The following CMTM4 variants were observed in gnomAD, a reference collection of about 807,000 sequenced individuals.
The protein encoded by CMTM4 is CKLF like MARVEL transmembrane domain containing 4.
In CMTM4, 8 loss-of-function variants were observed where a neutral mutation model predicts 19.0. The ratio of observed to expected loss-of-function variants is 0.42; its 90% confidence interval spans 0.25 to 0.76. CMTM4 has a LOEUF of 0.76. Ranked by LOEUF, CMTM4 falls within the 30% of genes least tolerant of loss-of-function variation. CMTM4 has a pLI of 0.27. For synonymous variants in CMTM4, 106 were observed against 121.1 expected (o/e 0.88, Z 0.82); for missense variants, 228 against 290.2 (o/e 0.79, Z 1.56).
intron 1 of CMTM4, among the ~76,000 whole-genome samples, chr16:66,683,040 AAAGT>A (rs573208639): frequency 9.5e-4 from 143 of 150,708 alleles, no homozygotes; most frequent in African/African-American, 3.3e-3. Flanking sequence ...AAAAAAAGAA[AAAGT>A]AATTACGATG....
At chr16:66,673,144 A>G (rs1409311161) in intron 1 of CMTM4, among the ~76,000 whole-genome samples, 1 of 112,314 alleles carries the variant, frequency 8.9e-6, no homozygotes, top group Non-Finnish European at 1.8e-5. Context: ...AGGCTGGTCT[A>G]AAGTGATCCT....
At chr16:66,626,686 C>T (rs985810499) in intron 2 of CMTM4, among the ~76,000 whole-genome samples, 5 of 150,980 alleles carry the variant, frequency 3.3e-5, no homozygotes, top group Non-Finnish European at 7.4e-5. Flanking sequence ...AGAAGAACTG[C>T]GTGAATCCAG....
At position 66,645,038 on chromosome 16, in the gene CMTM4, C is replaced by T. The variant is rs965546591; in HGVS notation, c.187-8457G>A. Among the ~76,000 whole-genome samples, 9 of 152,206 alleles carry T rather than the reference C, an allele frequency of 5.9e-5. No homozygotes were observed. In the East Asian group the frequency reaches 1.7e-3, roughly 29 times the overall value. ...GTGGCTCATGCCTGTAATCCCAGCA[C>T]TTTGGGAGGCCAAGGTAGGCGGATC... On this transcript the variant is annotated intron_variant, in intron 1 of 3. Coordinates refer to ENST00000394106, the MANE Select transcript of CMTM4 (RefSeq NM_181521.3).
rs1491447885 is a variant in CMTM4, at chr16:66,683,161, G to GTATATATATATATACATA, written c.186+13161_186+13178dup. ...TATATATATATGTATATATATATAC[G>GTATATATATATATACATA]TATATATATATATACATATGTATAT... is the stretch of plus-strand genomic sequence containing the variant. On this transcript the variant is annotated intron_variant, in intron 1 of 3. Transcript: ENST00000394106. 4.7e-4 allele frequency among the ~76,000 whole-genome samples: 38 copies of GTATATATATATATACATA among 81,522 alleles called. 2 individuals are homozygous for GTATATATATATATACATA. The East Asian group carries it at 0.011, about 23-fold the overall frequency. The allele number at this position is 81,522 out of a possible 152,430, so 53.5% of individuals were successfully genotyped here.
intron 1 of CMTM4, among the ~76,000 whole-genome samples, chr16:66,693,097 G>A (rs777650689): frequency 1.3e-5 from 2 of 151,912 alleles, no homozygotes; most frequent in African/African-American, 2.4e-5. Flanking sequence ...GGTGGCAGGC[G>A]CCAGTAATCC....
At chr16:66,605,143 C>G in the CMTM4 span, 1 of 498,060 alleles carries the variant, frequency 2.0e-6, no homozygotes. This position sits in a 1 kb window ranked among gnomAD's most constrained non-coding sequence, Gnocchi z 4.6. Context: ...GACGGCGGGG[C>G]GGGGCCCGAG....
the CMTM4 span, among the ~76,000 whole-genome samples, chr16:66,598,913 T>G: frequency 6.6e-6 from 1 of 151,880 alleles, no homozygotes; most frequent in Non-Finnish European, 1.5e-5. Flanking sequence ...GGCTGAAGGA[T>G]CCTTTAAACC....
At chr16:66,662,584 G>A (rs2016517810) in intron 1 of CMTM4, among the ~76,000 whole-genome samples, 2 of 152,090 alleles carry the variant, frequency 1.3e-5, no homozygotes, top group African/African-American at 4.8e-5. Context: ...AGCAGCAGGA[G>A]GCTACAGATG....
chr16:66,684,959 T>C (rs1255680413), intron 1 of CMTM4, among the ~76,000 whole-genome samples: 1 of 152,100 alleles, frequency 6.6e-6, no homozygotes, highest in Non-Finnish European at 1.5e-5. Flanking sequence ...TGAACCCAAA[T>C]CCCATCTCAT....
intron 1 of CMTM4, among the ~76,000 whole-genome samples, chr16:66,678,746 CCTA>C (rs762085939): frequency 6.6e-6 from 1 of 152,144 alleles, no homozygotes; most frequent in Non-Finnish European, 1.5e-5. Flanking sequence ...GTTGTAATGT[CCTA>C]CTGTTTCCCT....
intron 1 of CMTM4, among the ~76,000 whole-genome samples, chr16:66,678,595 C>T (rs559393519): frequency 4.6e-5 from 7 of 152,216 alleles, no homozygotes; most frequent in Middle Eastern, 3.4e-3. Context: ...TGCAAATGAT[C>T]CTCATCTATA....
At chr16:66,614,242 T>C (rs918311638), downstream of CMTM4, among the ~76,000 whole-genome samples, 1 of 152,094 alleles carries the variant, frequency 6.6e-6, no homozygotes, top group Non-Finnish European at 1.5e-5. This position sits in a 1 kb window ranked among gnomAD's most constrained non-coding sequence, Gnocchi z 4.9. Context: ...TGCCCAGGGG[T>C]TGGGGACCCC....
intron 1 of CMTM4, among the ~76,000 whole-genome samples, chr16:66,653,908 T>C (rs1172622608): frequency 6.6e-6 from 1 of 152,080 alleles, no homozygotes; most frequent in African/African-American, 2.4e-5. Flanking sequence ...CTAATTTTTA[T>C]GTGTTTTTTT....
the CMTM4 span, among the ~76,000 whole-genome samples, chr16:66,601,813 A>G: frequency 1.3e-5 from 2 of 152,200 alleles, no homozygotes; most frequent in Non-Finnish European, 2.9e-5. Context: ...CCCTAAGAGT[A>G]CAGGGATGCC....
At chr16:66,631,181 G>A (rs2015856798) in intron 2 of CMTM4, among the ~76,000 whole-genome samples, 2 of 147,028 alleles carry the variant, frequency 1.4e-5, no homozygotes, top group African/African-American at 2.5e-5. Flanking sequence ...GTCAGCCCCC[G>A]CCCGGCCAGC....
intron 1 of CMTM4, among the ~76,000 whole-genome samples, chr16:66,638,413 T>C (rs1329606884): frequency 6.6e-6 from 1 of 152,224 alleles, no homozygotes; most frequent in East Asian, 1.9e-4. Flanking sequence ...TTCCTAACAA[T>C]ATGTGGTCTT....
chr16:66,672,493 T>C (rs1469878219), intron 1 of CMTM4, among the ~76,000 whole-genome samples: 1 of 150,008 alleles, frequency 6.7e-6, no homozygotes, highest in Non-Finnish European at 1.5e-5. Context: ...AATATGTATA[T>C]ATTATTATAT....
chr16:66,681,081 T>C (rs1213787927), intron 1 of CMTM4, among the ~76,000 whole-genome samples: 2 of 152,112 alleles, frequency 1.3e-5, no homozygotes, highest in Non-Finnish European at 2.9e-5. Context: ...TAGTATATTT[T>C]ATGCAATCCA....
intron 1 of CMTM4, among the ~76,000 whole-genome samples, chr16:66,642,026 T>C (rs1490388641): frequency 6.6e-6 from 1 of 152,230 alleles, no homozygotes; most frequent in Non-Finnish European, 1.5e-5. Context: ...TGATCCCCTA[T>C]TGATAGGCAT....
Sources: gnomAD v4.1 joint callset for allele counts (sites outside exome capture counted in the v4.1 genomes callset) on GRCh38, gnomAD v4.1.1 for gene constraint, Gnocchi (gnomAD v3.1) non-coding constraint, MANE v1.5 for transcripts, NCBI Gene and HGNC (gene_info 2026-07-23, HGNC 2026-07-21) for gene names.